RORA: variants seen among roughly 807,000 people sequenced by gnomAD.
The protein encoded by RORA is nuclear receptor ROR-alpha.
A neutral mutation model predicts 69.5 loss-of-function variants in RORA; 7 were observed. That is an observed-to-expected ratio of 0.10 (90% CI 0.06 to 0.19). The LOEUF is 0.19. RORA is among the 10% of genes least tolerant of loss of function. The pLI is 1.00. For missense variants in RORA, 457 were observed against 663.0 expected, an observed-to-expected ratio of 0.69 and a Z score of 3.41; for synonymous variants, 261 against 240.8, an observed-to-expected ratio of 1.08 and a Z score of -0.78.
chr15:60,832,649 C>T (rs2073057045), intron 1 of RORA, among the ~76,000 whole-genome samples: 1 of 151,938 alleles, frequency 6.6e-6, no homozygotes, highest in African/African-American at 2.4e-5. Context: ...GCATAGTTTA[C>T]CTTGCTGATG....
chr15:60,875,437 T>C (rs980864204), intron 1 of RORA, among the ~76,000 whole-genome samples: 21 of 152,174 alleles, frequency 1.4e-4, no homozygotes, highest in Non-Finnish European at 2.6e-4. Flanking sequence ...CAAGTCAGGA[T>C]AGGAACTCAG....
intron 1 of RORA, among the ~76,000 whole-genome samples, chr15:60,999,122 T>C (rs370732133): frequency 1.3e-5 from 2 of 152,244 alleles, no homozygotes; most frequent in South Asian, 2.1e-4. Flanking sequence ...TTGTTGCTGA[T>C]GTGTTCAAGC....
chr15:60,744,642 A>C (rs1392360596), intron 1 of RORA, among the ~76,000 whole-genome samples: 1 of 152,188 alleles, frequency 6.6e-6, no homozygotes, highest in African/African-American at 2.4e-5. Context: ...AAGTAAGATA[A>C]GGGTATGCCA....
At chr15:60,702,734 CG>C (rs1014849399) in intron 1 of RORA, among the ~76,000 whole-genome samples, 2 of 152,174 alleles carry the variant, frequency 1.3e-5, no homozygotes, top group African/African-American at 4.8e-5. Context: ...GTCCTAAAAA[CG>C]GTAGTTCCTT....
At chr15:60,762,724 A>G (rs1242417252) in intron 1 of RORA, among the ~76,000 whole-genome samples, 1 of 152,216 alleles carries the variant, frequency 6.6e-6, no homozygotes, top group Non-Finnish European at 1.5e-5. Flanking sequence ...CAAGTTCAAT[A>G]TCATCTAACC....
At chr15:60,899,501 A>G (rs1361494920) in intron 1 of RORA, among the ~76,000 whole-genome samples, 2 of 152,220 alleles carry the variant, frequency 1.3e-5, no homozygotes, top group African/African-American at 4.8e-5. Flanking sequence ...AGTGACCCAG[A>G]CAGGGAGTTT....
At chr15:60,911,406 G>T (rs994040273) in intron 1 of RORA, among the ~76,000 whole-genome samples, 1 of 152,238 alleles carries the variant, frequency 6.6e-6, no homozygotes, top group Non-Finnish European at 1.5e-5. Context: ...CCAATTTTCT[G>T]TCATACTCAG....
chr15:61,037,847 T>G (rs970523184), intron 1 of RORA, among the ~76,000 whole-genome samples: 15 of 152,156 alleles, frequency 9.9e-5, no homozygotes, highest in African/African-American at 3.6e-4. Context: ...AGTAATTAAC[T>G]CTGATGGGGG....
chr15:60,742,961 AG>A (rs2071593763), intron 1 of RORA, among the ~76,000 whole-genome samples: 1 of 151,910 alleles, frequency 6.6e-6, no homozygotes, highest in African/African-American at 2.4e-5. Flanking sequence ...ATGGGGAGGC[AG>A]ATACACAGAA....
At chr15:60,910,005 C>T (rs1043501096) in intron 1 of RORA, among the ~76,000 whole-genome samples, 2 of 152,156 alleles carry the variant, frequency 1.3e-5, no homozygotes, top group Admixed American at 1.3e-4. Flanking sequence ...TATATGTGCC[C>T]TTCAGCCTCA....
At chr15:60,498,454 T>A (rs1375141887) in intron 10 of RORA, among the ~76,000 whole-genome samples, 2 of 152,218 alleles carry the variant, frequency 1.3e-5, no homozygotes, top group Non-Finnish European at 2.9e-5. Context: ...TTGCCTGTAA[T>A]AAAGCAATGC....
intron 1 of RORA, among the ~76,000 whole-genome samples, chr15:60,846,025 G>A (rs1334185690): frequency 2.6e-5 from 4 of 152,166 alleles, no homozygotes; most frequent in African/African-American, 9.7e-5. Flanking sequence ...GATTACAGGC[G>A]TGAGCCACCG....
At chr15:60,852,851 GA>G (rs201090330) in intron 1 of RORA, among the ~76,000 whole-genome samples, 11,173 of 147,978 alleles carry the variant, frequency 0.076, 458 homozygotes, top group Non-Finnish European at 0.086. Context: ...AATGTCATTT[GA>G]AAAAAAAAAA....
At chr15:60,788,622 G>A (rs2072373439) in intron 1 of RORA, among the ~76,000 whole-genome samples, 1 of 152,134 alleles carries the variant, frequency 6.6e-6, no homozygotes, top group African/African-American at 2.4e-5. Context: ...GCCTAGCTTG[G>A]CCTGTGCCTC....
At chr15:61,078,157 T>A (rs2140642440) in intron 1 of RORA, among the ~76,000 whole-genome samples, 1 of 152,336 alleles carries the variant, frequency 6.6e-6, no homozygotes, top group Non-Finnish European at 1.5e-5. Context: ...AAAGGCTTTA[T>A]TTTTAAATTA....
At chr15:61,062,673 T>C (rs2140550224) in intron 1 of RORA, among the ~76,000 whole-genome samples, 1 of 152,322 alleles carries the variant, frequency 6.6e-6, no homozygotes, top group Non-Finnish European at 1.5e-5. Flanking sequence ...TATTAATTTA[T>C]GTATTCAATG....
At chr15:60,632,128 A>G (rs1260585459) in intron 2 of RORA, among the ~76,000 whole-genome samples, 2 of 148,408 alleles carry the variant, frequency 1.3e-5, no homozygotes, top group Non-Finnish European at 3.0e-5. Context: ...TTTTTTTTAG[A>G]CGGAGTCTCA....
At chr15:60,829,910 G>A (rs2073019479) in intron 1 of RORA, among the ~76,000 whole-genome samples, 1 of 152,170 alleles carries the variant, frequency 6.6e-6, no homozygotes, top group South Asian at 2.1e-4. Flanking sequence ...GTCTTCTCAT[G>A]GTGACCTAGG....
chr15:61,127,983 T>G (rs2079157762), intron 1 of RORA, among the ~76,000 whole-genome samples: 1 of 152,196 alleles, frequency 6.6e-6, no homozygotes. Context: ...ATAGGACAGG[T>G]GCTAATTAAT....
Sources: gnomAD v4.1 joint callset for allele counts (sites outside exome capture counted in the v4.1 genomes callset) on GRCh38, gnomAD v4.1.1 for gene constraint, MANE v1.5 for transcripts, NCBI Gene and HGNC (gene_info 2026-07-23, HGNC 2026-07-21) for gene names.